Variants in AGAP1 observed in about 807,000 individuals in gnomAD.
AGAP1 encodes ArfGAP with GTPase domain, ankyrin repeat and PH domain 1, also known as arf-GAP with GTPase, ANK repeat and PH domain-containing protein 1.
A neutral mutation model predicts 105.3 loss-of-function variants in AGAP1; 29 were observed. The observed-to-expected ratio is 0.28, with a 90% confidence interval of 0.21 to 0.38. The LOEUF (loss-of-function observed/expected upper bound fraction) is 0.38, where lower values mean the gene tolerates loss of function less well. Ranked by LOEUF, AGAP1 falls within the 10% of genes least tolerant of loss-of-function variation. AGAP1 has a pLI of 1.00. For synonymous variants in AGAP1, 509 were observed against 485.9 expected (o/e 1.05, Z -0.63); for missense variants, 998 against 1,165.1 (o/e 0.86, Z 2.09).
Position 235,824,746 on chromosome 2 carries a change from C to T in AGAP1, c.1050+17415C>T, listed in dbSNP as rs1958975846. ...GAGATGTGCCCTTATATGAGACGGC[C>T]TGCATTCTTTCGCGGTACCAAGAAA... On this transcript the variant is annotated intron_variant, in intron 9 of 17. Transcript: ENST00000304032. The surrounding 1 kb of genome is among the most constrained non-coding windows in gnomAD (Gnocchi z 5.2). Among the ~76,000 whole-genome samples, 1 of 152,098 alleles carries T rather than the reference C, an allele frequency of 6.6e-6. No homozygotes were observed. Among genetic ancestry groups the T allele is most frequent in the South Asian group, 2.1e-4 (1 of 4,820 alleles).
chr2:235,903,330 T>C (rs1266677045), intron 10 of AGAP1, among the ~76,000 whole-genome samples: 1 of 152,216 alleles, frequency 6.6e-6, no homozygotes, highest in Non-Finnish European at 1.5e-5. Flanking sequence ...TTTTCTATCC[T>C]TGAAGAAAGT....
chr2:235,826,513 G>A lies in AGAP1; in HGVS notation c.1050+19182G>A, dbSNP rs534216205. Among the ~76,000 whole-genome samples the A allele has an allele frequency of 5.3e-5, 8 of 151,850 alleles. No homozygotes were observed. In the South Asian group the frequency reaches 6.2e-4, roughly 12 times the overall value. ...CACCCAGGCTGGAGTGCAGTGGCAC[G>A]ATCTCGGCTCACTGCAACCTCCACC... On this transcript the variant is annotated intron_variant, in intron 9 of 17. Transcript: ENST00000304032.
In AGAP1 at chr2:235,777,599, C is replaced by T. The variant is rs116560295; in HGVS notation, c.674-20160C>T. Among the ~76,000 whole-genome samples, 855 of 152,306 alleles carry T rather than the reference C, an allele frequency of 5.6e-3. 1 individual carries two copies. Among genetic ancestry groups the T allele is most frequent in the Non-Finnish European group, 8.2e-3 (556 of 68,028 alleles). ...GGACGAGTCACAGCTGTCTCACCTG[C>T]ACCCCTCCAATCGCCTTCTCAGAAT... is the stretch of plus-strand genomic sequence containing the variant. On this transcript the variant is annotated intron_variant, in intron 6 of 17. Transcript: ENST00000304032. The surrounding 1 kb of genome is among the most constrained non-coding windows in gnomAD (Gnocchi z 5.1).
chr2:235,667,455 C>T (rs1305085230), intron 1 of AGAP1, among the ~76,000 whole-genome samples: 2 of 147,148 alleles, frequency 1.4e-5, no homozygotes, highest in Non-Finnish European at 3.0e-5. Context: ...CTTACTAAGA[C>T]AAAAAAAAAA....
chr2:235,670,359 C>T (rs1490625544), intron 1 of AGAP1: 5 of 527,998 alleles, frequency 9.5e-6, no homozygotes, highest in African/African-American at 2.0e-5. Flanking sequence ...GGTCCCCGGC[C>T]GCGCGCTTGG....
At chr2:235,658,642 CCCTGGAGCTGTTGGCGGGGCAGAG>C (rs1947849603) in intron 1 of AGAP1, among the ~76,000 whole-genome samples, 1 of 152,092 alleles carries the variant, frequency 6.6e-6, no homozygotes, top group South Asian at 2.1e-4. Flanking sequence ...GGCTGGGCTT[CCCTGGAGCTGTTGGCGGGGCAGAG>C]CCAGCTCAAG....
chr2:236,074,830 G>A (rs924166337), intron 16 of AGAP1, among the ~76,000 whole-genome samples: 2 of 152,122 alleles, frequency 1.3e-5, no homozygotes, highest in Middle Eastern at 3.2e-3. Flanking sequence ...TGAAGCATGC[G>A]CATCAGTTGA....
intron 1 of AGAP1, among the ~76,000 whole-genome samples, chr2:235,616,170 G>C (rs980670341): frequency 6.6e-6 from 1 of 152,074 alleles, no homozygotes; most frequent in African/African-American, 2.4e-5. Context: ...AGACCATCCT[G>C]GCCAACATGG....
At chr2:235,670,020 G>A in intron 1 of AGAP1, 1 of 338,030 alleles carries the variant, frequency 3.0e-6, no homozygotes, top group Non-Finnish European at 5.3e-6. Context: ...CTCCCGGCCC[G>A]CCTGCCCTCC....
In AGAP1 at chr2:235,845,923, G is replaced by T. The variant is rs866894556; in HGVS notation, c.1051-37422G>T. On this transcript the variant is annotated intron_variant, in intron 9 of 17. Coordinates refer to ENST00000304032, the MANE Select transcript of AGAP1 (RefSeq NM_001037131.3). This position sits in a 1 kb window ranked among gnomAD's most constrained non-coding sequence, Gnocchi z 4.8. ...ATGCCCTCCTTCCTGCACCCCCAGA[G>T]TGGCCCCTCCACTCACCCTTCAGCT... Among the ~76,000 whole-genome samples the T allele has an allele frequency of 2.0e-5, 3 of 151,912 alleles. No homozygotes were observed. The highest frequency in any genetic ancestry group is 4.4e-5 in the Non-Finnish European group (3 of 67,994).
intron 1 of AGAP1, 142 bp downstream of exon 1, chr2:235,494,991 T>C: frequency 1.3e-6 from 1 of 768,160 alleles, no homozygotes; most frequent in East Asian, 3.7e-5. Flanking sequence ...GCGGCGCTGC[T>C]TGTCTTGCAA....
At chr2:235,679,065 G>GAA (rs1451799326) in intron 1 of AGAP1, among the ~76,000 whole-genome samples, 1 of 152,210 alleles carries the variant, frequency 6.6e-6, no homozygotes, top group Non-Finnish European at 1.5e-5. Flanking sequence ...AAGAAAGAAA[G>GAA]AATGCTTTTC....
Position 236,087,675 on chromosome 2 carries a change from A to G in AGAP1, c.2115-32517A>G, listed in dbSNP as rs1180333232. On this transcript the variant is annotated intron_variant, in intron 16 of 17. Coordinates refer to ENST00000304032, the MANE Select transcript of AGAP1 (RefSeq NM_001037131.3). This position sits in a 1 kb window ranked among gnomAD's most constrained non-coding sequence, Gnocchi z 5.7. ...TTCTCTGTTTCCATGTGGTGCCGTG[A>G]ATAGTCTCATAAGCCATGTAAGTGG... Among the ~76,000 whole-genome samples, 1 of 152,234 alleles carries G rather than the reference A, an allele frequency of 6.6e-6. No individual in the cohort carries two copies. The highest frequency in any genetic ancestry group is 1.9e-4 in the East Asian group (1 of 5,196).
intron 1 of AGAP1, among the ~76,000 whole-genome samples, chr2:235,526,259 A>G (rs1357047408): frequency 6.6e-6 from 1 of 152,254 alleles, no homozygotes; most frequent in South Asian, 2.1e-4. Flanking sequence ...CTGGATGGCT[A>G]TTTTTCAAAG....
At chr2:235,648,912 G>A (rs182566072) in intron 1 of AGAP1, among the ~76,000 whole-genome samples, 29 of 151,112 alleles carry the variant, frequency 1.9e-4, no homozygotes, top group African/African-American at 6.1e-4. Flanking sequence ...ATGTAATTGT[G>A]ACCTCAGTTC....
At position 235,945,749 on chromosome 2, in the gene AGAP1, A is replaced by G. The variant is rs554499912; in HGVS notation, c.1483+14826A>G. Among the ~76,000 whole-genome samples, 8 of 152,206 alleles carry G rather than the reference A, an allele frequency of 5.3e-5. No individual in the cohort carries two copies. In the South Asian group the frequency reaches 1.7e-3, roughly 32 times the overall value. On this transcript the variant is annotated intron_variant, in intron 12 of 17. Coordinates refer to ENST00000304032, the MANE Select transcript of AGAP1 (RefSeq NM_001037131.3). ...ACCTGAGACTGGGTAATTTATAAAG[A>G]AAAGAGGTTTTGTTGTCTCACTGTT... is the stretch of plus-strand genomic sequence containing the variant.
Position 236,126,260 on chromosome 2 carries a change from T to G in AGAP1, c.*2138T>G, listed in dbSNP as rs1321982531. The G allele has an allele frequency of 1.3e-5, 2 of 152,302 alleles. No individual in the cohort carries two copies. Among genetic ancestry groups the G allele is most frequent in the African/African-American group, 4.8e-5 (2 of 41,562 alleles). 9.4% of individuals were successfully genotyped at this position (152,302 alleles called of 1,614,324 possible). On this transcript the variant is annotated 3_prime_UTR_variant, in exon 18 of 18. Transcript: ENST00000304032. Reference sequence around the variant, plus strand: ...GCGTTTCATCACTGTGTAGCTATTGTAAATGTGAATAGAAAAAAACAGGTC... The same window carrying G: ...GCGTTTCATCACTGTGTAGCTATTGGAAATGTGAATAGAAAAAAACAGGTC...
chr2:235,949,221 G>A (rs895659698), intron 12 of AGAP1, among the ~76,000 whole-genome samples: 5 of 152,138 alleles, frequency 3.3e-5, no homozygotes, highest in Non-Finnish European at 5.9e-5. Context: ...TCCAAAATCC[G>A]AAGGGCTCCA....
At chr2:236,017,736 G>C (rs1281420854) in intron 13 of AGAP1, among the ~76,000 whole-genome samples, 1 of 152,214 alleles carries the variant, frequency 6.6e-6, no homozygotes, top group Non-Finnish European at 1.5e-5. Flanking sequence ...GGATCTCTCT[G>C]AAGCCCTTTT....
Sources: gnomAD v4.1 joint callset for allele counts (sites outside exome capture counted in the v4.1 genomes callset) on GRCh38, gnomAD v4.1.1 for gene constraint, Gnocchi (gnomAD v3.1) non-coding constraint, MANE v1.5 for transcripts, NCBI Gene and HGNC (gene_info 2026-07-23, HGNC 2026-07-21) for gene names.